CADPS: variants seen among roughly 807,000 people sequenced by gnomAD.
CADPS encodes the protein calcium-dependent secretion activator 1.
Under a neutral mutation model 167.3 loss-of-function variants are expected in CADPS, and 57 were observed. That is an observed-to-expected ratio of 0.34 (90% CI 0.28 to 0.42). The LOEUF (loss-of-function observed/expected upper bound fraction) is 0.42, where lower values mean the gene tolerates loss of function less well. Among genes scored for constraint, CADPS ranks in the 20% least tolerant of loss-of-function variants. CADPS has a pLI of 1.00. For missense variants in CADPS, 1,414 were observed against 1,738.1 expected (o/e 0.81, Z 3.32); for synonymous variants, 676 against 635.3 (o/e 1.06, Z -0.96).
At chr3:62,775,921 A>C (rs1248311297) in intron 1 of CADPS, among the ~76,000 whole-genome samples, 3 of 152,128 alleles carry the variant, frequency 2.0e-5, no homozygotes, top group African/African-American at 7.2e-5. Flanking sequence ...CAGGAAGTAC[A>C]TGGCCATGAC....
intron 10 of CADPS, among the ~76,000 whole-genome samples, chr3:62,550,443 C>A (rs985603368): frequency 5.3e-5 from 8 of 152,042 alleles, no homozygotes; most frequent in Admixed American, 3.9e-4. Context: ...ACAACAAAAA[C>A]CTCTCTTTAC....
At chr3:62,744,811 AT>A (rs1203779274) in intron 3 of CADPS, among the ~76,000 whole-genome samples, 1 of 152,222 alleles carries the variant, frequency 6.6e-6, no homozygotes, top group Non-Finnish European at 1.5e-5. Flanking sequence ...TGCATAGAAA[AT>A]GCCCAATTCC....
intron 3 of CADPS, among the ~76,000 whole-genome samples, chr3:62,721,552 G>A (rs1020050697): frequency 2.6e-5 from 4 of 151,998 alleles, no homozygotes; most frequent in Admixed American, 2.0e-4. Flanking sequence ...CTGCTGTGAC[G>A]CTTCCTGAAA....
chr3:62,700,030 A>G (rs746745047), intron 3 of CADPS, among the ~76,000 whole-genome samples: 1 of 152,126 alleles, frequency 6.6e-6, no homozygotes, highest in Non-Finnish European at 1.5e-5. Context: ...GCCAACCCCT[A>G]TTCTACAAGT....
At chr3:62,603,546 C>T (rs1467605686) in intron 6 of CADPS, among the ~76,000 whole-genome samples, 1 of 152,182 alleles carries the variant, frequency 6.6e-6, no homozygotes, top group Admixed American at 6.5e-5. Context: ...TTCTCACTAA[C>T]TGTGTAACCT....
intron 1 of CADPS, among the ~76,000 whole-genome samples, chr3:62,789,582 C>A (rs1385305963): frequency 6.6e-6 from 1 of 152,112 alleles, no homozygotes; most frequent in Non-Finnish European, 1.5e-5. Flanking sequence ...AGAAGTTTTA[C>A]CAATAGGCTG....
At chr3:62,871,540 A>G (rs2082631655) in intron 1 of CADPS, among the ~76,000 whole-genome samples, 1 of 152,142 alleles carries the variant, frequency 6.6e-6, no homozygotes, top group African/African-American at 2.4e-5. Flanking sequence ...TTAAAAAGAT[A>G]GGATTTGGAA....
chr3:62,779,487 G>T, intron 1 of CADPS: 1 of 538,138 alleles, frequency 1.9e-6, no homozygotes, highest in Non-Finnish European at 3.8e-6. Flanking sequence ...TGCCATCTTG[G>T]CTTTCCCTTC....
chr3:62,512,640 C>T (rs1170475558), intron 17 of CADPS, 111 bp downstream of exon 17: 2 of 697,090 alleles, frequency 2.9e-6, no homozygotes, highest in East Asian at 2.8e-5. Flanking sequence ...ATTGCAACTC[C>T]ACATGGCTCT....
At chr3:62,868,014 A>T (rs1223704265) in intron 1 of CADPS, among the ~76,000 whole-genome samples, 1 of 152,044 alleles carries the variant, frequency 6.6e-6, no homozygotes, top group Non-Finnish European at 1.5e-5. Context: ...ACTGTCCATC[A>T]ATATATCAAT....
intron 8 of CADPS, among the ~76,000 whole-genome samples, chr3:62,578,605 G>A (rs1349446889): frequency 1.3e-4 from 7 of 54,848 alleles, no homozygotes; most frequent in East Asian, 6.0e-4. Flanking sequence ...GCAAGACTCC[G>A]TCTCAAAAAA....
Position 62,446,686 on chromosome 3 carries a change from G to C in CADPS, c.3637-889C>G, listed in dbSNP as rs1413609731. On this transcript the variant is annotated intron_variant, in intron 26 of 29. Coordinates refer to ENST00000383710, the MANE Select transcript of CADPS (RefSeq NM_003716.4). The surrounding 1 kb of genome is among the most constrained non-coding windows in gnomAD (Gnocchi z 4.9). Reference sequence around the variant, plus strand: ...AGACGATGAATTCATAAGCAAATGTGGGTGAGTTCTGAGTACTGTGAAAAG... The same window carrying C: ...AGACGATGAATTCATAAGCAAATGTCGGTGAGTTCTGAGTACTGTGAAAAG... 6.6e-6 allele frequency among the ~76,000 whole-genome samples: 1 copy of C among 152,186 alleles called. No homozygotes were observed. The highest frequency in any genetic ancestry group is 1.5e-5 in the Non-Finnish European group (1 of 68,036).
rs190329381 is a variant in CADPS at position 62,727,128 on chromosome 3, C to T, written c.888+26313G>A. Reference sequence around the variant, plus strand: ...CTATCTCCAGAATTCCATTCCTGTGCTTCTACCCAAAAGAAAGAGAATTGA... The same window carrying T: ...CTATCTCCAGAATTCCATTCCTGTGTTTCTACCCAAAAGAAAGAGAATTGA... On this transcript the variant is annotated intron_variant, in intron 3 of 29. Coordinates refer to ENST00000383710, the MANE Select transcript of CADPS (RefSeq NM_003716.4). Among the ~76,000 whole-genome samples the T allele has an allele frequency of 9.2e-5, 14 of 151,860 alleles. No individual in the cohort carries two copies. The East Asian group carries it at 2.7e-3, about 29-fold the overall frequency.
intron 13 of CADPS, among the ~76,000 whole-genome samples, chr3:62,519,762 G>T (rs559930149): frequency 5.6e-4 from 85 of 152,068 alleles, no homozygotes; most frequent in Non-Finnish European, 1.0e-3. Flanking sequence ...TGGGATTATG[G>T]GTGCAAGCTA....
At chr3:62,424,385 G>A (rs572180693) in intron 28 of CADPS, among the ~76,000 whole-genome samples, 75 of 152,106 alleles carry the variant, frequency 4.9e-4, no homozygotes, top group African/African-American at 1.8e-3. Flanking sequence ...GGGTTTTACC[G>A]TGTTAGCCAG....
intron 21 of CADPS, 98 bp from the exon 22 acceptor site, chr3:62,481,967 C>A: frequency 8.1e-7 from 1 of 1,235,118 alleles, no homozygotes; most frequent in Non-Finnish European, 1.2e-6. Flanking sequence ...ACCAAGTCCA[C>A]AGCAAGACAA....
rs77347130 is a variant in CADPS, at chr3:62,747,507, C to G, written c.888+5934G>C. Among the ~76,000 whole-genome samples the G allele has an allele frequency of 3.4e-3, 524 of 152,270 alleles. 4 individuals carry two copies. Among genetic ancestry groups the G allele is most frequent in the African/African-American group, 0.012 (498 of 41,566 alleles). On this transcript the variant is annotated intron_variant, in intron 3 of 29. Transcript: ENST00000383710. ...AGAGTCTAATAAACTATCTGAAAAGCTGCCATGTGTTCATCAAGTTCAAGG... is the reference window on the plus strand; with the variant it reads ...AGAGTCTAATAAACTATCTGAAAAGGTGCCATGTGTTCATCAAGTTCAAGG...
chr3:62,860,914 A>G (rs956367793), intron 1 of CADPS, among the ~76,000 whole-genome samples: 2 of 152,166 alleles, frequency 1.3e-5, no homozygotes, highest in East Asian at 3.9e-4. Context: ...CTGGGTGCCT[A>G]TGCAAATTTA....
chr3:62,815,038 T>C (rs1033519063), intron 1 of CADPS, among the ~76,000 whole-genome samples: 2 of 152,188 alleles, frequency 1.3e-5, no homozygotes, highest in Non-Finnish European at 1.5e-5. Context: ...CCTTTTTACA[T>C]GTATATAGTT....
Sources: gnomAD v4.1 joint callset for allele counts (sites outside exome capture counted in the v4.1 genomes callset) on GRCh38, gnomAD v4.1.1 for gene constraint, Gnocchi (gnomAD v3.1) non-coding constraint, MANE v1.5 for transcripts, NCBI Gene and HGNC (gene_info 2026-07-23, HGNC 2026-07-21) for gene names.